CCDC191: variants seen among roughly 807,000 people sequenced by gnomAD.
CCDC191 encodes coiled-coil domain containing 191.
Under a neutral mutation model 114.0 loss-of-function variants are expected in CCDC191, and 99 were observed. The ratio of observed to expected loss-of-function variants is 0.87; its 90% CI spans 0.74 to 1.03. CCDC191 has a LOEUF of 1.03. Among genes scored for constraint, CCDC191 ranks in the 50% least tolerant of loss-of-function variants. The probability of loss-of-function intolerance (pLI) is 0.00; values close to 1 mark genes in which losing one functional copy is unlikely to be tolerated. For synonymous variants in CCDC191, 351 were observed against 376.0 expected (o/e 0.93, Z 0.77); for missense variants, 973 against 1,087.0 (o/e 0.90, Z 1.47).
chr3:114,002,548 A>G lies in CCDC191; in HGVS notation c.1979-10T>C. The G allele has an allele frequency of 1.3e-6, 2 of 1,592,174 alleles. No homozygotes were observed. Among genetic ancestry groups the G allele is most frequent in the Non-Finnish European group, 1.7e-6 (2 of 1,165,948 alleles). Reference sequence around the variant, plus strand: ...GCTCTCTCTTCCATAGCTAGAAAATAGTAACAGAGTTCTAATATTTTTTAT... The same window carrying G: ...GCTCTCTCTTCCATAGCTAGAAAATGGTAACAGAGTTCTAATATTTTTTAT... On this transcript the variant is annotated splice_polypyrimidine_tract_variant and intron_variant, in intron 11 of 16. Coordinates refer to ENST00000295878, the MANE Select transcript of CCDC191 (RefSeq NM_020817.2).
rs2075881918 is a variant in CCDC191, at chr3:114,002,924, GAGAGTAGAAT to G, written c.1979-396_1979-387del. ...TTTAATTACATCTAACAAGTACTTTGAGAGTAGAATCGTTCCTCAAATCCTATTGAATCTG... is the reference window on the plus strand; with the variant it reads ...TTTAATTACATCTAACAAGTACTTTGCGTTCCTCAAATCCTATTGAATCTG... On this transcript the variant is annotated intron_variant, in intron 11 of 16. Transcript: ENST00000295878. 5 of 982,614 alleles carry G rather than the reference GAGAGTAGAAT, an allele frequency of 5.1e-6. No homozygotes were observed. The African/African-American group carries it at 8.7e-5, about 17-fold the overall frequency. 60.9% of individuals were successfully genotyped at this position (982,614 alleles called of 1,614,324 possible). A position where few individuals can be genotyped will look rare whatever the true frequency, so the allele number is the denominator to read the frequency against.
chr3:113,966,104 G>A (rs573591195), intron 16 of CCDC191, among the ~76,000 whole-genome samples: 2 of 152,242 alleles, frequency 1.3e-5, no homozygotes, highest in Admixed American at 6.5e-5. Flanking sequence ...GGAAAATTGC[G>A]TGCAGAATGT....
intron 16 of CCDC191, among the ~76,000 whole-genome samples, chr3:113,974,953 T>A (rs932697015): frequency 1.3e-5 from 2 of 152,186 alleles, no homozygotes; most frequent in Non-Finnish European, 2.9e-5. Flanking sequence ...TTATGCTTGG[T>A]AAATATGTCT....
At chr3:114,006,320 G>A (rs992242320) in intron 9 of CCDC191, among the ~76,000 whole-genome samples, 5 of 152,022 alleles carry the variant, frequency 3.3e-5, no homozygotes, top group South Asian at 4.2e-4. Flanking sequence ...ATGGTGGTAC[G>A]CACCTGTAAT....
At chr3:114,048,082 GACA>G (rs2076654178) in intron 2 of CCDC191, among the ~76,000 whole-genome samples, 1 of 152,106 alleles carries the variant, frequency 6.6e-6, no homozygotes, top group Non-Finnish European at 1.5e-5. Context: ...CTCAGATAGT[GACA>G]ACTACATTCC....
At chr3:113,974,685 A>AGTCT (rs1215944394) in intron 16 of CCDC191, among the ~76,000 whole-genome samples, 3 of 152,082 alleles carry the variant, frequency 2.0e-5, no homozygotes, top group Admixed American at 2.0e-4. Flanking sequence ...TATTTATTTC[A>AGTCT]GTCTTCTGTG....
chr3:114,033,536 C>A lies in CCDC191; in HGVS notation c.818+1389G>T, dbSNP rs1348779016. Among the ~76,000 whole-genome samples, 4 of 152,020 alleles carry A rather than the reference C, an allele frequency of 2.6e-5. No homozygotes were observed. The South Asian group carries it at 6.2e-4, about 24-fold the overall frequency. ...GGAAAGTTTAAATCAGTTCATCCAC[C>A]CAGAAGTAGAACATATTACCTATCT... On this transcript the variant is annotated intron_variant, in intron 6 of 16. Transcript: ENST00000295878.
At position 114,036,815 on chromosome 3, in the gene CCDC191, A is replaced by G. The variant is rs12635058; in HGVS notation, c.416-29T>C. The G allele has an allele frequency of 7.4e-3, 10,697 of 1,440,284 alleles. 299 individuals carry two copies. In the East Asian group the frequency reaches 0.076, roughly 10 times the overall value. The allele number at this position is 1,440,284 out of a possible 1,614,324, so 89.2% of individuals were successfully genotyped here. A position where few individuals can be genotyped will look rare whatever the true frequency, so the allele number is the denominator to read the frequency against. Reference sequence around the variant, plus strand: ...GGGGAAACAGAACAACAAAAAAGGGAATTTTTTTAAAAAATTAATTTTAGT... The same window carrying G: ...GGGGAAACAGAACAACAAAAAAGGGGATTTTTTTAAAAAATTAATTTTAGT... On this transcript the variant is annotated intron_variant, in intron 4 of 16. Coordinates refer to ENST00000295878, the MANE Select transcript of CCDC191 (RefSeq NM_020817.2).
intron 7 of CCDC191, 41 bp from the exon 8 acceptor site, chr3:114,018,909 T>G: frequency 2.8e-5 from 44 of 1,543,976 alleles, no homozygotes; most frequent in Non-Finnish European, 3.6e-5. Flanking sequence ...CCATCAGCGC[T>G]AGTGTTTCTA....
At chr3:114,017,692 C>T (rs1211649373) in intron 8 of CCDC191, among the ~76,000 whole-genome samples, 1 of 152,128 alleles carries the variant, frequency 6.6e-6, no homozygotes, top group Non-Finnish European at 1.5e-5. Context: ...GGTTCCTTCA[C>T]ATGGACACAG....
intron 8 of CCDC191, among the ~76,000 whole-genome samples, chr3:114,017,153 C>T (rs1038632598): frequency 1.3e-5 from 2 of 149,592 alleles, no homozygotes; most frequent in African/African-American, 4.9e-5. Flanking sequence ...CATGTCCTGG[C>T]ATTCAAGGCC....
At chr3:114,030,452 G>A (rs933579720) in intron 7 of CCDC191, among the ~76,000 whole-genome samples, 1 of 152,018 alleles carries the variant, frequency 6.6e-6, no homozygotes, top group Non-Finnish European at 1.5e-5. Flanking sequence ...TTATATAGGA[G>A]GAATACTAAT....
chr3:113,965,155 T>C lies in CCDC191; in HGVS notation c.2811A>G (p.Ter937TrpextTer5). Residue 937 changes from the stop codon to tryptophan, a stop_lost, in exon 17 of 17, where the codon TGA (stop) becomes TGG (tryptophan). Coordinates refer to ENST00000295878, the MANE Select transcript of CCDC191 (RefSeq NM_020817.2). ...SLSKTSLVNE[*>W] is the part of the protein sequence containing the mutation. ...GTCCTAAATATTACACTAATCTGGC[T>C]CATTCGTTCACCAGACTTGTCTTAC... The C allele has an allele frequency of 6.3e-7, 1 of 1,590,838 alleles. No homozygotes were observed. Among genetic ancestry groups the C allele is most frequent in the South Asian group, 1.1e-5 (1 of 87,618 alleles).
Position 114,046,620 on chromosome 3 carries a change from A to G in CCDC191, c.242T>C (p.Ile81Thr), listed in dbSNP as rs748985960. 7 of 1,605,450 alleles carry G rather than the reference A, an allele frequency of 4.4e-6. No homozygotes were observed. The highest frequency in any genetic ancestry group is 1.3e-5 in the African/African-American group (1 of 74,686). ...TGCATAGATTTCATCATGATCCTCT[A>G]TTTGCTCAGATGTTTTCAAATCTGT... ...QITDLKTSEQIEDHDEIYAEA... is the reference protein window; with the variant it reads ...QITDLKTSEQTEDHDEIYAEA... Residue 81 changes from isoleucine (I) to threonine (T), a missense_variant, in exon 3 of 17, where the codon ATA becomes ACA. Physicochemically the swap from Ile to Thr is moderately conservative, Grantham distance 89. Transcript: ENST00000295878.
chr3:114,038,245 T>G, intron 4 of CCDC191, among the ~76,000 whole-genome samples: 1 of 152,222 alleles, frequency 6.6e-6, no homozygotes, highest in East Asian at 1.9e-4. Flanking sequence ...TTGTAGTTGT[T>G]CCAAAGATAG....
intron 1 of CCDC191, among the ~76,000 whole-genome samples, chr3:114,054,382 C>A (rs2107770328): frequency 6.6e-6 from 1 of 152,226 alleles, no homozygotes; most frequent in African/African-American, 2.4e-5. Flanking sequence ...CCTGTAATCC[C>A]AGCACTTTGG....
intron 2 of CCDC191, among the ~76,000 whole-genome samples, chr3:114,052,707 G>A (rs1365798276): frequency 6.6e-6 from 1 of 152,120 alleles, no homozygotes; most frequent in Admixed American, 6.6e-5. Context: ...CAACACAGTG[G>A]GCTAGTACTT....
At chr3:113,977,534 T>A (rs2074971315) in intron 16 of CCDC191, among the ~76,000 whole-genome samples, 1 of 152,210 alleles carries the variant, frequency 6.6e-6, no homozygotes, top group South Asian at 2.1e-4. Flanking sequence ...CATAACTGTA[T>A]TTTAAATATT....
At chr3:114,038,850 T>C (rs964498565) in intron 4 of CCDC191, among the ~76,000 whole-genome samples, 2 of 151,940 alleles carry the variant, frequency 1.3e-5, no homozygotes, top group Non-Finnish European at 2.9e-5. Flanking sequence ...CATGGACACG[T>C]TGGGAAGAAC....
Sources: allele counts gnomAD v4.1 joint callset (sites outside exome capture counted in the v4.1 genomes callset), GRCh38; gene constraint gnomAD v4.1.1; transcripts MANE v1.5; gene names NCBI Gene and HGNC (gene_info 2026-07-23, HGNC 2026-07-21).